Variants in FUNDC2 observed in about 807,000 individuals in gnomAD.
The protein encoded by FUNDC2 is FUN14 domain containing 2.
In FUNDC2, 4 loss-of-function variants were observed where a neutral mutation model predicts 15.6. The observed-to-expected ratio is 0.26, with a 90% CI of 0.13 to 0.59. The LOEUF is 0.59. FUNDC2 is among the 20% of genes least tolerant of loss of function. The probability of loss-of-function intolerance (pLI) is 0.90; values close to 1 mark genes in which losing one functional copy is unlikely to be tolerated. For missense variants in FUNDC2, 98 were observed against 149.7 expected, an observed-to-expected ratio of 0.65 and a Z score of 1.80; for synonymous variants, 44 against 56.9, an observed-to-expected ratio of 0.77 and a Z score of 1.02.
intron 2 of FUNDC2, among the ~76,000 whole-genome samples, chrX:155,037,036 A>T (rs1438870301): frequency 4.5e-5 from 5 of 111,730 alleles, no homozygotes; most frequent in African/African-American, 1.6e-4. Flanking sequence ...CTGGGATTGC[A>T]TTGATCCATA....
Position 155,055,855 on chromosome X carries a change from A to G in FUNDC2, c.*1183A>G, listed in dbSNP as rs1286193157. The stretch of plus-strand genomic sequence containing the variant: ...ACTATTAAAGGTTAGTTTTACTCAG[A>G]ATTGTTAATCTTGGAGATGATCTCT... On this transcript the variant is annotated 3_prime_UTR_variant, in exon 5 of 5. Coordinates refer to ENST00000369498, the MANE Select transcript of FUNDC2 (RefSeq NM_023934.4). 1 of 112,260 alleles carries G rather than the reference A, an allele frequency of 8.9e-6. No individual in the cohort carries two copies. The highest frequency in any genetic ancestry group is 1.9e-5 in the Non-Finnish European group (1 of 53,315). The allele number at this position is 112,260 out of a possible 1,213,427, so 9.3% of individuals were successfully genotyped here. A position where few individuals can be genotyped will look rare whatever the true frequency, so the allele number is the denominator to read the frequency against.
At chrX:155,044,551 C>T (rs1557289877) in intron 2 of FUNDC2, among the ~76,000 whole-genome samples, 1 of 111,813 alleles carries the variant, frequency 8.9e-6, no homozygotes, top group African/African-American at 3.3e-5. Flanking sequence ...GGGGAAAAGA[C>T]GTGAACAGAC....
chrX:155,049,317 A>G (rs2073873257), intron 3 of FUNDC2: 1 of 112,796 alleles, frequency 8.9e-6, no homozygotes, highest in East Asian at 2.8e-4. Flanking sequence ...TCACCTCGCA[A>G]TCCTGGCCTG....
chrX:155,045,197 G>T (rs1261950019), intron 2 of FUNDC2, among the ~76,000 whole-genome samples: 1 of 111,383 alleles, frequency 9.0e-6, no homozygotes, highest in Non-Finnish European at 1.9e-5. Flanking sequence ...TGGTTACCAG[G>T]GATAGGATGG....
chrX:155,043,460 ATAT>A (rs1490751980), intron 2 of FUNDC2, among the ~76,000 whole-genome samples: 1 of 111,806 alleles, frequency 8.9e-6, no homozygotes, highest in East Asian at 2.8e-4. Flanking sequence ...TAGATGGCAG[ATAT>A]TATGAATTTT....
At chrX:155,054,247 T>C (rs1233531131) in intron 4 of FUNDC2, 22 of 750,778 alleles carry the variant, frequency 2.9e-5, no homozygotes, top group Non-Finnish European at 3.3e-5. Flanking sequence ...CCAGTTTATT[T>C]AGTGCAGCTT....
intron 1 of FUNDC2, among the ~76,000 whole-genome samples, chrX:155,030,814 T>G (rs1043802625): frequency 1.9e-5 from 2 of 107,232 alleles, no homozygotes; most frequent in Admixed American, 2.0e-4. Context: ...GCCTCCTGAG[T>G]AGCTGGGATT....
rs963973027 is a variant in FUNDC2, at chrX:155,059,894, G to C, written c.*5222G>C. ...GGCACTTCACCCCTCACTCTCTCTT[G>C]CTCCTGCTTTGGCCATGTGGAGTGC... is the stretch of plus-strand genomic sequence containing the variant. On this transcript the variant is annotated 3_prime_UTR_variant, in exon 5 of 5. Coordinates refer to ENST00000369498, the MANE Select transcript of FUNDC2 (RefSeq NM_023934.4). 4.5e-5 allele frequency: 5 copies of C among 111,121 alleles called. No homozygotes were observed. Among genetic ancestry groups the C allele is most frequent in the African/African-American group, 1.6e-4 (5 of 30,422 alleles). 9.2% of individuals were successfully genotyped at this position (111,121 alleles called of 1,213,427 possible).
At chrX:155,048,963 C>G in intron 3 of FUNDC2, 2 of 112,300 alleles carry the variant, frequency 1.8e-5, no homozygotes, top group Admixed American at 1.9e-4. Context: ...TTAAAAAAGT[C>G]TTGTCTGGGA....
chrX:155,027,136 A>G, intron 1 of FUNDC2, 65 bp downstream of exon 1: 1 of 1,015,956 alleles, frequency 9.8e-7, no homozygotes, highest in Non-Finnish European at 1.3e-6. Context: ...CGGAAGGGGA[A>G]GGGCTCCGCG....
At chrX:155,037,043 C>T (rs1212281621) in intron 2 of FUNDC2, among the ~76,000 whole-genome samples, 1 of 111,641 alleles carries the variant, frequency 9.0e-6, no homozygotes, top group African/African-American at 3.3e-5. Flanking sequence ...TGCATTGATC[C>T]ATAAACATTG....
intron 2 of FUNDC2, among the ~76,000 whole-genome samples, chrX:155,041,752 T>C (rs1268379898): frequency 7.3e-5 from 8 of 109,402 alleles, no homozygotes; most frequent in Admixed American, 9.6e-5. Flanking sequence ...TGCCTCTTTT[T>C]TCCCCCCTTC....
intron 2 of FUNDC2, among the ~76,000 whole-genome samples, chrX:155,035,688 A>T (rs1212936060): frequency 8.9e-6 from 1 of 111,770 alleles, no homozygotes; most frequent in Admixed American, 9.5e-5. Flanking sequence ...ATAATAATAT[A>T]TTTTTTTGTT....
At position 155,056,318 on chromosome X, in the gene FUNDC2, C is replaced by T. The variant is rs182492647; in HGVS notation, c.*1646C>T. On this transcript the variant is annotated 3_prime_UTR_variant, in exon 5 of 5. Coordinates refer to ENST00000369498, the MANE Select transcript of FUNDC2 (RefSeq NM_023934.4). Reference sequence around the variant, plus strand: ...TTTTATCATATTTCAGTATGTATCTCTAAAAGGTAAGAATTATTTCTAAAA... The same window carrying T: ...TTTTATCATATTTCAGTATGTATCTTTAAAAGGTAAGAATTATTTCTAAAA... 2 of 111,405 alleles carry T rather than the reference C, an allele frequency of 1.8e-5. No homozygotes were observed. Among genetic ancestry groups the T allele is most frequent in the Non-Finnish European group, 3.8e-5 (2 of 53,095 alleles). The allele number at this position is 111,405 out of a possible 1,213,427, so 9.2% of individuals were successfully genotyped here. A position where few individuals can be genotyped will look rare whatever the true frequency, so the allele number is the denominator to read the frequency against.
At chrX:155,051,504 G>C (rs1365818767) in intron 3 of FUNDC2, 166 bp from the exon 4 acceptor site, 5 of 478,989 alleles carry the variant, frequency 1.0e-5, no homozygotes, top group Non-Finnish European at 1.8e-5. Context: ...TCGCATATAG[G>C]GGGGATGCTG....
At position 155,058,657 on chromosome X, in the gene FUNDC2, A is replaced by C. The variant is rs1048019918; in HGVS notation, c.*3985A>C. ...TGATTTCTCAGAAATCAGGCCCAGA[A>C]CTAAAATACATTTTCTGCCCAATTT... On this transcript the variant is annotated 3_prime_UTR_variant, in exon 5 of 5. Transcript: ENST00000369498. 1 of 109,973 alleles carries C rather than the reference A, an allele frequency of 9.1e-6. No homozygotes were observed. The allele number at this position is 109,973 out of a possible 1,213,427, so 9.1% of individuals were successfully genotyped here.
In FUNDC2 at chrX:155,056,214, ATCAC is replaced by A. The variant is rs1316748695; in HGVS notation, c.*1551_*1554del. 1.7e-4 allele frequency: 19 copies of A among 112,111 alleles called. No individual in the cohort carries two copies. Among genetic ancestry groups the A allele is most frequent in the Non-Finnish European group, 3.4e-4 (18 of 53,239 alleles). 9.2% of individuals were successfully genotyped at this position (112,111 alleles called of 1,213,427 possible). On this transcript the variant is annotated 3_prime_UTR_variant, in exon 5 of 5. Coordinates refer to ENST00000369498, the MANE Select transcript of FUNDC2 (RefSeq NM_023934.4). Reference sequence around the variant, plus strand: ...AGTACAATAATCCCCCTGTGTATCTATCACTCACTCACAACAATCATCAAATTAT... The same window carrying A: ...AGTACAATAATCCCCCTGTGTATCTATCACTCACAACAATCATCAAATTAT...
intron 2 of FUNDC2, among the ~76,000 whole-genome samples, chrX:155,041,961 C>T (rs1300968900): frequency 5.8e-5 from 6 of 102,667 alleles, no homozygotes; most frequent in Admixed American, 1.1e-4. Flanking sequence ...CCCAGCTACT[C>T]GGGAGGCTGA....
At chrX:155,045,989 C>T (rs1327903006) in intron 2 of FUNDC2, among the ~76,000 whole-genome samples, 4 of 110,943 alleles carry the variant, frequency 3.6e-5, no homozygotes, top group African/African-American at 1.3e-4. Flanking sequence ...TCCTCCCCTC[C>T]CTTCCCCCAC....
Sources: gnomAD v4.1 joint callset for allele counts (sites outside exome capture counted in the v4.1 genomes callset) on GRCh38, gnomAD v4.1.1 for gene constraint, MANE v1.5 for transcripts, NCBI Gene and HGNC (gene_info 2026-07-23, HGNC 2026-07-21) for gene names.